PATE3: variants seen among roughly 807,000 people sequenced by gnomAD.
The protein encoded by PATE3 is prostate and testis expressed 3.
In PATE3, 7 loss-of-function variants were observed where a neutral mutation model predicts 7.4. The ratio of observed to expected loss-of-function variants is 0.95; its 90% CI spans 0.54 to 1.78. The LOEUF (loss-of-function observed/expected upper bound fraction) is 1.78, where lower values mean the gene tolerates loss of function less well. Among genes scored for constraint, PATE3 ranks in the 40% most tolerant of loss-of-function variants. PATE3 has a pLI of 0.00. For missense variants in PATE3, 117 were observed against 122.5 expected (o/e 0.96, Z 0.21); for synonymous variants, 38 against 40.2 (o/e 0.94, Z 0.21).
At chr11:125,789,531 G>T (rs1359015493) in intron 2 of PATE3, 23 bp downstream of exon 2, 1 of 1,539,824 alleles carries the variant, frequency 6.5e-7, no homozygotes, top group Non-Finnish European at 8.8e-7. Context: ...GTCAGGGAAG[G>T]TGTTGTAAGA....
In PATE3 at chr11:125,791,552, T is replaced by C. The variant is rs1296419794; in HGVS notation, c.*950T>C. On this transcript the variant is annotated 3_prime_UTR_variant, in exon 3 of 3. Coordinates refer to ENST00000445202, the MANE Select transcript of PATE3 (RefSeq NM_001129883.4). ...CTTGGGGGCCTGGGTCAAAGAGATT[T>C]GTCTGTCCCTTGCTGCCCATCTTTA... The C allele has an allele frequency of 1.3e-5, 2 of 152,288 alleles. No homozygotes were observed. Among genetic ancestry groups the C allele is most frequent in the African/African-American group, 2.4e-5 (1 of 41,450 alleles). 9.4% of individuals were successfully genotyped at this position (152,288 alleles called of 1,614,324 possible).
Position 125,789,395 on chromosome 11 carries a change from C to A in PATE3, c.59C>A (p.Ser20Ter). The A allele has an allele frequency of 1.9e-6, 3 of 1,551,356 alleles. No homozygotes were observed. ...TCTATGCTCTCTCCAGCAGTGACAT[C>A]ACTTCAGTGCATAACATGCCACCTT... Reference protein sequence around the residue: ...LLYCLIVAVTSLQCITCHLRT... With the variant: ...LLYCLIVAVT Residue 20 changes from serine (S) to a stop codon, truncating the protein, a stop_gained, in exon 2 of 3, where the codon TCA becomes TAA. Transcript: ENST00000445202. LOFTEE classifies it high-confidence loss of function.
chr11:125,789,376 C>A lies in PATE3; in HGVS notation c.50-10C>A. ...TGCCTAGTCTCACACCATCTCTATGCTCTCTCCAGCAGTGACATCACTTCA... is the reference window on the plus strand; with the variant it reads ...TGCCTAGTCTCACACCATCTCTATGATCTCTCCAGCAGTGACATCACTTCA... On this transcript the variant is annotated splice_polypyrimidine_tract_variant and intron_variant, in intron 1 of 2. Transcript: ENST00000445202. 6.5e-7 allele frequency: 1 copy of A among 1,549,982 alleles called. No individual in the cohort carries two copies. Among genetic ancestry groups the A allele is most frequent in the Non-Finnish European group, 8.7e-7 (1 of 1,145,722 alleles).
Position 125,788,197 on chromosome 11 carries a change from G to T in PATE3, c.46G>T (p.Val16Leu), listed in dbSNP as rs1198869451. The change falls in exon 1 of 3, where the codon GTG becomes TTG. Residue 16 changes from valine (V) to leucine (L), a missense_variant. Transcript: ENST00000445202. ...LFLFLLYCLI[V>L]AVTSLQCITC... The stretch of plus-strand genomic sequence containing the variant: ...CCTCTTCCTCCTTTACTGCCTCATT[G>T]TGGGTGAGTCCTGGACCTGAGGGGT... The T allele has an allele frequency of 1.3e-6, 2 of 1,551,072 alleles. No homozygotes were observed. Among genetic ancestry groups the T allele is most frequent in the Non-Finnish European group, 1.7e-6 (2 of 1,146,634 alleles).
intron 1 of PATE3, among the ~76,000 whole-genome samples, chr11:125,789,054 A>G (rs2134182170): frequency 6.6e-6 from 1 of 152,160 alleles, no homozygotes. Flanking sequence ...TCCTTATCAC[A>G]CCCATATCTC....
Position 125,789,428 on chromosome 11 carries a change from G to A in PATE3, c.92G>A (p.Arg31Gln), listed in dbSNP as rs747238504. The A allele has an allele frequency of 9.7e-6, 15 of 1,551,592 alleles. No individual in the cohort carries two copies. The Middle Eastern group carries it at 5.0e-4, about 52-fold the overall frequency. ...TGCATAACATGCCACCTTCGCACAC[G>A]GACAGACCGCTGTAGAAGAGGCTTT... ...LQCITCHLRT[R>Q]TDRCRRGFGV... The change falls in exon 2 of 3, where the codon CGG (arginine) becomes CAG (glutamine). Residue 31 changes from arginine (R) to glutamine (Q), a missense_variant. By Grantham distance (43) the Arg-to-Gln change is conservative. Transcript: ENST00000445202.
intron 1 of PATE3, 23 bp from the exon 2 acceptor site, chr11:125,789,363 C>T (rs987572038): frequency 6.5e-7 from 1 of 1,544,794 alleles, no homozygotes; most frequent in Non-Finnish European, 8.8e-7. Context: ...CCTAGTCTCA[C>T]ACCATCTCTA....
intron 1 of PATE3, 110 bp downstream of exon 1, chr11:125,788,310 G>T: frequency 2.0e-6 from 2 of 997,216 alleles, no homozygotes; most frequent in Non-Finnish European, 1.5e-6. Context: ...CCACTTTTAT[G>T]AGCCAGGGGA....
chr11:125,788,335 A>C, intron 1 of PATE3, 135 bp downstream of exon 1: 1 of 719,332 alleles, frequency 1.4e-6, no homozygotes, highest in Non-Finnish European at 2.2e-6. Context: ...AGCCTCCAGA[A>C]TGCTCCTCTG....
Position 125,790,625 on chromosome 11 carries a change from C to T in PATE3, c.*23C>T, listed in dbSNP as rs1303149820. 8.4e-6 allele frequency: 13 copies of T among 1,546,622 alleles called. No individual in the cohort carries two copies. The highest frequency in any genetic ancestry group is 3.9e-5 in the Admixed American group (2 of 50,760). On this transcript the variant is annotated 3_prime_UTR_variant, in exon 3 of 3. Transcript: ENST00000445202. ...TAAGATATTTGCCCTCCTGAGGTCT[C>T]GCTTTGGAATGTCCCCAATGTTGCT...
In PATE3 at chr11:125,790,741, G is replaced by A; in HGVS notation, c.*139G>A. The A allele has an allele frequency of 2.5e-6, 2 of 812,192 alleles. No individual in the cohort carries two copies. Among genetic ancestry groups the A allele is most frequent in the Non-Finnish European group, 1.9e-6 (1 of 536,658 alleles). 50.3% of individuals were successfully genotyped at this position (812,192 alleles called of 1,614,324 possible). A position where few individuals can be genotyped will look rare whatever the true frequency, so the allele number is the denominator to read the frequency against. ...GCATTAACCTAAGAAGACTAAACTA[G>A]TGTGATCCTTTCTGGTGTCTTCAGC... On this transcript the variant is annotated 3_prime_UTR_variant, in exon 3 of 3. Coordinates refer to ENST00000445202, the MANE Select transcript of PATE3 (RefSeq NM_001129883.4).
Position 125,790,552 on chromosome 11 carries a change from AC to A in PATE3, c.248del (p.Thr83IlefsTer49), listed in dbSNP as rs1565424525. On this transcript the variant is annotated frameshift_variant, in exon 3 of 3. Coordinates refer to ENST00000445202, the MANE Select transcript of PATE3 (RefSeq NM_001129883.4). LOFTEE classifies it low-confidence loss of function (END_TRUNC). Reference protein sequence around the residue: ...RDMTFDLRNRTYVHTCCNYNY... With the variant: ...RDMTFDLRNRXYVHTCCNYNY... ...CATGACATTTGATCTCAGGAATCGGACTTATGTTCATACATGCTGCAACTAC... is the reference window on the plus strand; with the variant it reads ...CATGACATTTGATCTCAGGAATCGGATTATGTTCATACATGCTGCAACTAC... 6.4e-7 allele frequency: 1 copy of A among 1,551,366 alleles called. No individual in the cohort carries two copies. Among genetic ancestry groups the A allele is most frequent in the Non-Finnish European group, 8.7e-7 (1 of 1,146,744 alleles).
In PATE3 at chr11:125,791,426, C is replaced by A. The variant is rs1312008724; in HGVS notation, c.*824C>A. The A allele has an allele frequency of 1.3e-5, 2 of 152,212 alleles. No individual in the cohort carries two copies. The highest frequency in any genetic ancestry group is 2.9e-5 in the Non-Finnish European group (2 of 68,084). 9.4% of individuals were successfully genotyped at this position (152,212 alleles called of 1,614,324 possible). ...GCTTTGCCCCATGCGTCAGATGGCA[C>A]CTGAGGCATATAACCTAGGGTGGGC... On this transcript the variant is annotated 3_prime_UTR_variant, in exon 3 of 3. Transcript: ENST00000445202.
Position 125,790,583 on chromosome 11 carries a change from A to G in PATE3, c.278A>G (p.Tyr93Cys), listed in dbSNP as rs1202244357. ...GTTCATACATGCTGCAACTACAATT[A>G]CTGTAACTTTAAACTCTAAGATATT... The part of the protein sequence containing the change: ...TYVHTCCNYN[Y>C]CNFKL Residue 93 changes from tyrosine (Y) to cysteine (C), a missense_variant, in exon 3 of 3, where the codon TAC becomes TGC. Tyr to Cys is a radical substitution (Grantham distance 194). Transcript: ENST00000445202. The G allele has an allele frequency of 6.4e-7, 1 of 1,551,294 alleles. No individual in the cohort carries two copies. The highest frequency in any genetic ancestry group is 1.4e-5 in the African/African-American group (1 of 73,032).
chr11:125,789,609 C>T, intron 2 of PATE3, 101 bp downstream of exon 2: 1 of 1,358,832 alleles, frequency 7.4e-7, no homozygotes, highest in Non-Finnish European at 9.9e-7. Flanking sequence ...TGCAGAATGC[C>T]CCTGAGCACA....
rs1025165 is a variant in PATE3, at chr11:125,789,425, C to A, written c.89C>A (p.Thr30Lys). The change falls in exon 2 of 3, where the codon ACA (threonine) becomes AAA (lysine). Residue 30 changes from threonine to lysine, a missense_variant. Physicochemically the swap from Thr to Lys is moderately conservative, Grantham distance 78 (BLOSUM62 -1). Transcript: ENST00000445202. ...SLQCITCHLR[T>K]RTDRCRRGFG... ...CAGTGCATAACATGCCACCTTCGCA[C>A]ACGGACAGACCGCTGTAGAAGAGGC... 2,984 of 1,551,636 alleles carry A rather than the reference C, an allele frequency of 1.9e-3. 5 individuals are homozygous for A. The highest frequency in any genetic ancestry group is 2.2e-3 in the Non-Finnish European group (2,477 of 1,146,896).
At chr11:125,789,608 C>A (rs1376634747) in intron 2 of PATE3, 100 bp downstream of exon 2, 7 of 1,356,646 alleles carry the variant, frequency 5.2e-6, no homozygotes, top group African/African-American at 1.4e-5. Flanking sequence ...ATGCAGAATG[C>A]CCCTGAGCAC....
At position 125,790,492 on chromosome 11, in the gene PATE3, ATATCATACAT is replaced by A. The variant is rs1210525288; in HGVS notation, c.188_197del (p.Ile63ArgfsTer10). 393 of 1,550,918 alleles carry A rather than the reference ATATCATACAT, an allele frequency of 2.5e-4. No individual in the cohort carries two copies. The East Asian group carries it at 9.5e-3, about 37-fold the overall frequency. ...TCCTATTTTAGGCAATACTCTCCAG[ATATCATACAT>A]GGTGTGTCAGAAATTCTGCAGAGAC... is the stretch of plus-strand genomic sequence containing the variant. On this transcript the variant is annotated frameshift_variant, in exon 3 of 3. Coordinates refer to ENST00000445202, the MANE Select transcript of PATE3 (RefSeq NM_001129883.4). LOFTEE classifies it low-confidence loss of function (END_TRUNC).
chr11:125,791,275 C>T lies in PATE3; in HGVS notation c.*673C>T, dbSNP rs1343903196. ...TCAGAACTCTCATTTCTTCCCCTTCCTTTCCTAAACCTTCTCTCTTCCTTT... is the reference window on the plus strand; with the variant it reads ...TCAGAACTCTCATTTCTTCCCCTTCTTTTCCTAAACCTTCTCTCTTCCTTT... On this transcript the variant is annotated 3_prime_UTR_variant, in exon 3 of 3. Coordinates refer to ENST00000445202, the MANE Select transcript of PATE3 (RefSeq NM_001129883.4). The T allele has an allele frequency of 6.6e-6, 1 of 152,252 alleles. No homozygotes were observed. Among genetic ancestry groups the T allele is most frequent in the Non-Finnish European group, 1.5e-5 (1 of 68,080 alleles). 9.4% of individuals were successfully genotyped at this position (152,252 alleles called of 1,614,324 possible). A position where few individuals can be genotyped will look rare whatever the true frequency, so the allele number is the denominator to read the frequency against.
Sources: gnomAD v4.1 joint callset for allele counts (sites outside exome capture counted in the v4.1 genomes callset) on GRCh38, gnomAD v4.1.1 for gene constraint, MANE v1.5 for transcripts, NCBI Gene and HGNC (gene_info 2026-07-23, HGNC 2026-07-21) for gene names.